DENR: variants seen among roughly 807,000 people sequenced by gnomAD.
DENR encodes density-regulated protein.
In DENR, 6 loss-of-function variants were observed where a neutral mutation model predicts 30.6. The observed-to-expected ratio is 0.20, with a 90% confidence interval of 0.11 to 0.39. The LOEUF is 0.39. DENR is among the 10% of genes least tolerant of loss of function. The pLI, the probability that DENR is intolerant of heterozygous loss-of-function variation, is 1.00. For missense variants in DENR, 141 were observed against 230.9 expected, an observed-to-expected ratio of 0.61 and a Z score of 2.52; for synonymous variants, 78 against 72.1, an observed-to-expected ratio of 1.08 and a Z score of -0.41.
rs1248504865 is a variant in DENR, at chr12:122,769,396, GTTT to G, written c.*323_*325del. The G allele has an allele frequency of 2.5e-5, 25 of 987,192 alleles. No homozygotes were observed. The highest frequency in any genetic ancestry group is 2.9e-5 in the Non-Finnish European group (24 of 831,496). The allele number at this position is 987,192 out of a possible 1,614,324, so 61.2% of individuals were successfully genotyped here. A position where few individuals can be genotyped will look rare whatever the true frequency, so the allele number is the denominator to read the frequency against. On this transcript the variant is annotated 3_prime_UTR_variant, in exon 8 of 8. Coordinates refer to ENST00000280557, the MANE Select transcript of DENR (RefSeq NM_003677.5). ...TTCACTGTTCTGTACAAGGCTGCTT[GTTT>G]TTTTATTGCCAAAGTCAAATAAACG...
At position 122,770,872 on chromosome 12, in the gene DENR, G is replaced by A. The variant is rs534061291; in HGVS notation, c.*1794G>A. 5 of 396,274 alleles carry A rather than the reference G, an allele frequency of 1.3e-5. No individual in the cohort carries two copies. The highest frequency in any genetic ancestry group is 7.2e-5 in the East Asian group (2 of 27,936). The allele number at this position is 396,274 out of a possible 1,614,324, so 24.5% of individuals were successfully genotyped here. On this transcript the variant is annotated 3_prime_UTR_variant, in exon 8 of 8. Coordinates refer to ENST00000280557, the MANE Select transcript of DENR (RefSeq NM_003677.5). Reference sequence around the variant, plus strand: ...TACTGGTGAAGCAGATTTATCCATCGAGACTATCTGGTATGCGTTATGTAT... The same window carrying A: ...TACTGGTGAAGCAGATTTATCCATCAAGACTATCTGGTATGCGTTATGTAT...
At position 122,769,154 on chromosome 12, in the gene DENR, AT is replaced by A; in HGVS notation, c.*77del. The stretch of plus-strand genomic sequence containing the variant: ...CAAAGGGAGAGAGGCCTTTTAAAAT[AT>A]ATATATATATACACATATATATGTA... On this transcript the variant is annotated 3_prime_UTR_variant, in exon 8 of 8. Transcript: ENST00000280557. The A allele has an allele frequency of 2.2e-6, 3 of 1,352,766 alleles. No individual in the cohort carries two copies. Among genetic ancestry groups the A allele is most frequent in the East Asian group, 2.8e-5 (1 of 35,616 alleles). The allele number at this position is 1,352,766 out of a possible 1,614,324, so 83.8% of individuals were successfully genotyped here. A position where few individuals can be genotyped will look rare whatever the true frequency, so the allele number is the denominator to read the frequency against.
chr12:122,764,303 A>G (rs1369337016), intron 4 of DENR, among the ~76,000 whole-genome samples: 3 of 152,176 alleles, frequency 2.0e-5, no homozygotes, highest in Non-Finnish European at 2.9e-5. Flanking sequence ...CTGCTCTGCT[A>G]AGAATAGACC....
chr12:122,761,877 G>A (rs1369399157), intron 2 of DENR, among the ~76,000 whole-genome samples: 1 of 152,170 alleles, frequency 6.6e-6, no homozygotes, highest in African/African-American at 2.4e-5. Context: ...TCGTGTCTTA[G>A]CTTAATTTTT....
At chr12:122,767,399 C>A in intron 5 of DENR, 89 bp from the exon 6 acceptor site, 1 of 850,624 alleles carries the variant, frequency 1.2e-6, no homozygotes, top group Admixed American at 3.2e-5. Context: ...GAAAAAGAAA[C>A]TTAAACCTTT....
intron 2 of DENR, 27 bp downstream of exon 2, chr12:122,753,834 T>G: frequency 1.3e-6 from 2 of 1,519,736 alleles, no homozygotes; most frequent in Non-Finnish European, 1.8e-6. Context: ...ACAGAATGAC[T>G]TTTACTCACT....
intron 5 of DENR, 124 bp downstream of exon 5, chr12:122,765,511 G>A (rs776049051): frequency 5.2e-6 from 4 of 775,606 alleles, no homozygotes; most frequent in Non-Finnish European, 8.3e-6. Flanking sequence ...CAGCTTCTTA[G>A]GGGGCTGAGG....
At position 122,769,437 on chromosome 12, in the gene DENR, G is replaced by A; in HGVS notation, c.*359G>A. 1.0e-6 allele frequency: 1 copy of A among 986,490 alleles called. No individual in the cohort carries two copies. The highest frequency in any genetic ancestry group is 1.2e-6 in the Non-Finnish European group (1 of 830,798). 61.1% of individuals were successfully genotyped at this position (986,490 alleles called of 1,614,324 possible). On this transcript the variant is annotated 3_prime_UTR_variant, in exon 8 of 8. Transcript: ENST00000280557. ...AGTCAAATAAACGGGAGACTGTCAT[G>A]CTCATGCATGAATAGAATTTAGTCA...
At chr12:122,768,739 AT>A in intron 6 of DENR, 42 bp from the exon 7 acceptor site, 1 of 1,483,218 alleles carries the variant, frequency 6.7e-7, no homozygotes, top group Non-Finnish European at 9.0e-7. Flanking sequence ...TCTTTGCACA[AT>A]TCCAATTACA....
At chr12:122,766,417 CACTT>C (rs1258664510) in intron 5 of DENR, among the ~76,000 whole-genome samples, 7 of 152,150 alleles carry the variant, frequency 4.6e-5, no homozygotes, top group African/African-American at 1.2e-4. Flanking sequence ...GTCCTAGGCC[CACTT>C]ACTTCTCATT....
At chr12:122,759,309 A>G (rs1878634933) in intron 2 of DENR, among the ~76,000 whole-genome samples, 1 of 152,230 alleles carries the variant, frequency 6.6e-6, no homozygotes, top group Non-Finnish European at 1.5e-5. Flanking sequence ...TTGAAAAGGT[A>G]CAGTTTTCCC....
At chr12:122,760,985 C>T (rs1878684754) in intron 2 of DENR, among the ~76,000 whole-genome samples, 1 of 152,156 alleles carries the variant, frequency 6.6e-6, no homozygotes. Flanking sequence ...TAGTGGCTCA[C>T]GCTTATAGTC....
At chr12:122,756,807 G>A (rs1400694307) in intron 2 of DENR, among the ~76,000 whole-genome samples, 3 of 152,214 alleles carry the variant, frequency 2.0e-5, no homozygotes, top group Non-Finnish European at 2.9e-5. Flanking sequence ...GTCATTGAAA[G>A]TTTTGGAGCA....
chr12:122,768,419 A>G (rs903051648), intron 6 of DENR, among the ~76,000 whole-genome samples: 1 of 152,116 alleles, frequency 6.6e-6, no homozygotes, highest in Admixed American at 6.6e-5. Flanking sequence ...AATCGCTTGA[A>G]TCTGGGAGAC....
chr12:122,758,403 A>G (rs757932839), intron 2 of DENR, among the ~76,000 whole-genome samples: 19 of 151,932 alleles, frequency 1.3e-4, no homozygotes, highest in Non-Finnish European at 2.2e-4. Flanking sequence ...GATTTAGTTT[A>G]TGATCTTGTG....
chr12:122,753,944 A>G (rs1370934505), intron 2 of DENR, 137 bp downstream of exon 2: 6 of 726,620 alleles, frequency 8.3e-6, no homozygotes, highest in Non-Finnish European at 1.4e-5. Context: ...AGTCCTGGGG[A>G]GGAGGAGGCA....
intron 2 of DENR, 37 bp from the exon 3 acceptor site, chr12:122,762,150 T>G: frequency 2.2e-6 from 3 of 1,367,292 alleles, no homozygotes; most frequent in Non-Finnish European, 3.0e-6. Context: ...ACATATAGGT[T>G]TAACATTTCA....
chr12:122,766,938 T>C (rs529122439), intron 5 of DENR, among the ~76,000 whole-genome samples: 1 of 152,340 alleles, frequency 6.6e-6, no homozygotes, highest in South Asian at 2.1e-4. Flanking sequence ...CTCCATCTGC[T>C]ACATATTCAT....
At chr12:122,758,654 A>G (rs570178169) in intron 2 of DENR, among the ~76,000 whole-genome samples, 1 of 152,154 alleles carries the variant, frequency 6.6e-6, no homozygotes, top group South Asian at 2.1e-4. Flanking sequence ...AAAATTAAAT[A>G]AATTAGCCAG....
Sources: allele counts gnomAD v4.1 joint callset (sites outside exome capture counted in the v4.1 genomes callset), GRCh38; gene constraint gnomAD v4.1.1; transcripts MANE v1.5; gene names NCBI Gene and HGNC (gene_info 2026-07-23, HGNC 2026-07-21).